The following DCAF6 variants were observed in gnomAD, a reference collection of about 807,000 sequenced individuals.
DCAF6 encodes the protein DDB1- and CUL4-associated factor 6.
Under a neutral mutation model 125.1 loss-of-function variants are expected in DCAF6, and 54 were observed. The observed-to-expected ratio is 0.43, with a 90% CI of 0.35 to 0.54. DCAF6 has a LOEUF of 0.54. Among genes scored for constraint, DCAF6 ranks in the 20% least tolerant of loss-of-function variants. The pLI, the probability that DCAF6 is intolerant of heterozygous loss-of-function variation, is 0.01. For synonymous variants in DCAF6, 371 were observed against 390.4 expected, an observed-to-expected ratio of 0.95 and a Z score of 0.58; for missense variants, 934 against 1,161.7, an observed-to-expected ratio of 0.80 and a Z score of 2.85.
chr1:167,955,362 CGTT>C (rs998073565), intron 2 of DCAF6, among the ~76,000 whole-genome samples: 2 of 151,858 alleles, frequency 1.3e-5, no homozygotes, highest in African/African-American at 2.4e-5. Context: ...TTTCCAGTAT[CGTT>C]GTACCGTTTA....
At position 167,949,093 on chromosome 1, in the gene DCAF6, G is replaced by C. The variant is rs114545588; in HGVS notation, c.98-2707G>C. ...ACTGTATTAGGTATTTGGAATACAT[G>C]GGTCAATAAAGCAGTGTTCTTATGG... On this transcript the variant is annotated intron_variant, in intron 1 of 21. Coordinates refer to ENST00000367840, the MANE Select transcript of DCAF6 (RefSeq NM_001198956.2). Among the ~76,000 whole-genome samples the C allele has an allele frequency of 4.7e-3, 717 of 152,310 alleles. 6 individuals are homozygous for C. The highest frequency in any genetic ancestry group is 0.016 in the African/African-American group (670 of 41,548).
At chr1:168,019,914 A>G (rs1273444100) in intron 11 of DCAF6, 1 of 155,712 alleles carries the variant, frequency 6.4e-6, no homozygotes, top group Non-Finnish European at 1.4e-5. Flanking sequence ...CATTGGATCT[A>G]TGTGTTTGAT....
At chr1:167,870,787 C>T in the DCAF6 span, among the ~76,000 whole-genome samples, 4 of 148,888 alleles carry the variant, frequency 2.7e-5, no homozygotes, top group South Asian at 2.1e-4. Flanking sequence ...CCAGCCTGGG[C>T]GACAAGCAAA....
At chr1:168,040,281 G>T (rs1386157837) in intron 13 of DCAF6, among the ~76,000 whole-genome samples, 1 of 152,006 alleles carries the variant, frequency 6.6e-6, no homozygotes, top group Non-Finnish European at 1.5e-5. Flanking sequence ...AGTGTAGCGG[G>T]AGTGGAGTGA....
At chr1:168,048,305 G>A (rs931823280) in intron 16 of DCAF6, among the ~76,000 whole-genome samples, 1 of 152,034 alleles carries the variant, frequency 6.6e-6, no homozygotes, top group African/African-American at 2.4e-5. Flanking sequence ...GTAGAGAAGT[G>A]GTCCTAAAAT....
At chr1:167,882,994 T>A in the DCAF6 span, among the ~76,000 whole-genome samples, 50 of 152,302 alleles carry the variant, frequency 3.3e-4, no homozygotes, top group South Asian at 9.9e-3. Flanking sequence ...ATATCCACCA[T>A]AGAAGTTATA....
intron 5 of DCAF6, among the ~76,000 whole-genome samples, chr1:167,990,130 T>G (rs772882433): frequency 2.0e-5 from 3 of 152,192 alleles, no homozygotes; most frequent in Admixed American, 1.3e-4. Context: ...TTTTGTTATA[T>G]TTTAATAGCA....
chr1:167,897,506 T>A, the DCAF6 span, among the ~76,000 whole-genome samples: 334 of 120,340 alleles, frequency 2.8e-3, 3 homozygotes, highest in East Asian at 0.019. Flanking sequence ...CAAAAAAAAA[T>A]ATATATATAT....
At chr1:167,991,368 G>A in intron 6 of DCAF6, 29 bp downstream of exon 6, 2 of 1,575,658 alleles carry the variant, frequency 1.3e-6, no homozygotes, top group Non-Finnish European at 1.7e-6. Flanking sequence ...AGAAAATATA[G>A]GACTGTCAGT....
Position 168,015,794 on chromosome 1 carries a change from C to A in DCAF6, c.1392C>A (p.Gly464=). 1 of 1,508,852 alleles carries A rather than the reference C, an allele frequency of 6.6e-7. No individual in the cohort carries two copies. The allele number at this position is 1,508,852 out of a possible 1,614,324, so 93.5% of individuals were successfully genotyped here. A position where few individuals can be genotyped will look rare whatever the true frequency, so the allele number is the denominator to read the frequency against. Residue 464 remains glycine, a synonymous_variant, in exon 11 of 22, where the codon GGC becomes GGA. Transcript: ENST00000367840. ...HTHHQSEFLR[G]PEIALLRKRL... is the part of the protein sequence containing the mutation. ...TATTTGTGTCAGAATTTTTAAGGGG[C>A]CCTGAGATAGCTTTGCTTCGTAAGC...
At chr1:167,896,991 A>T in the DCAF6 span, among the ~76,000 whole-genome samples, 8 of 152,140 alleles carry the variant, frequency 5.3e-5, no homozygotes, top group South Asian at 1.7e-3. Context: ...TTCCTTCATA[A>T]CATTTTAATT....
chr1:167,990,034 G>A (rs1032557687), intron 5 of DCAF6, among the ~76,000 whole-genome samples: 2 of 152,068 alleles, frequency 1.3e-5, no homozygotes, highest in African/African-American at 4.8e-5. Flanking sequence ...TGCAGGGTTT[G>A]TATTTATATG....
At chr1:167,928,050 T>C in the DCAF6 span, among the ~76,000 whole-genome samples, 1,534 of 152,072 alleles carry the variant, frequency 0.01, 24 homozygotes, top group African/African-American at 0.035. Flanking sequence ...TTTTCTTAAC[T>C]GTTAAAAAAA....
the DCAF6 span, chr1:167,918,315 G>A: frequency 6.4e-7 from 1 of 1,564,432 alleles, no homozygotes; most frequent in Admixed American, 1.7e-5. Flanking sequence ...AGGTGATCAG[G>A]AACTCTTTTA....
the DCAF6 span, among the ~76,000 whole-genome samples, chr1:167,925,434 CATATACACATATATATATATATATATAT>C: frequency 2.7e-5 from 2 of 72,746 alleles, no homozygotes; most frequent in Non-Finnish European, 5.3e-5. Flanking sequence ...TACAGATATA[CATATACACATATATATATATATATATAT>C]ATATATATAT....
intron 1 of DCAF6, among the ~76,000 whole-genome samples, chr1:167,943,825 G>A (rs1025896931): frequency 6.6e-6 from 1 of 151,958 alleles, no homozygotes; most frequent in African/African-American, 2.4e-5. Context: ...CCACGTTGCT[G>A]TATATGTCAT....
At chr1:167,996,089 G>C (rs1681644376) in intron 7 of DCAF6, among the ~76,000 whole-genome samples, 1 of 152,134 alleles carries the variant, frequency 6.6e-6, no homozygotes, top group African/African-American at 2.4e-5. Flanking sequence ...AAAGTTTGTT[G>C]TATGATTTTG....
chr1:167,931,454 TTTTAG>T (rs1363070359), upstream of DCAF6, among the ~76,000 whole-genome samples: 2 of 152,158 alleles, frequency 1.3e-5, no homozygotes, highest in Non-Finnish European at 2.9e-5. Flanking sequence ...CTTACATCTA[TTTTAG>T]TTATCTCTTA....
intron 7 of DCAF6, among the ~76,000 whole-genome samples, chr1:167,999,634 A>T (rs961377262): frequency 6.6e-6 from 1 of 152,164 alleles, no homozygotes; most frequent in Non-Finnish European, 1.5e-5. Flanking sequence ...TTACAGAAAG[A>T]CAGCTTCTTT....
Sources: gnomAD v4.1 joint callset for allele counts (sites outside exome capture counted in the v4.1 genomes callset) on GRCh38, gnomAD v4.1.1 for gene constraint, MANE v1.5 for transcripts, NCBI Gene and HGNC (gene_info 2026-07-23, HGNC 2026-07-21) for gene names.